ABHD2: variants seen among roughly 807,000 people sequenced by gnomAD.
ABHD2 encodes abhydrolase domain containing 2, acylglycerol lipase.
ABHD2 carries 20 observed loss-of-function variants against 48.1 expected under a neutral mutation model. The ratio of observed to expected loss-of-function variants is 0.42; its 90% CI spans 0.29 to 0.60. The LOEUF (loss-of-function observed/expected upper bound fraction) is 0.60. ABHD2 is among the 20% of genes least tolerant of loss of function. The pLI, the probability that ABHD2 is intolerant of heterozygous loss-of-function variation, is 0.24. For missense variants in ABHD2, 405 were observed against 550.9 expected (o/e 0.74, Z 2.65); for synonymous variants, 209 against 214.2 (o/e 0.98, Z 0.21).
the ABHD2 span, among the ~76,000 whole-genome samples, chr15:89,066,254 G>C: frequency 2.0e-5 from 3 of 152,272 alleles, no homozygotes; most frequent in South Asian, 6.2e-4. Flanking sequence ...GGTTCCTTCT[G>C]AGGGGTATGA....
Position 89,116,602 on chromosome 15 carries a change from C to T in ABHD2, c.194+81C>T, listed in dbSNP as rs1417662663. On this transcript the variant is annotated intron_variant, in intron 3 of 10. Transcript: ENST00000352732. The surrounding 1 kb of genome is among the most constrained non-coding windows in gnomAD (Gnocchi z 4.6). ...TGATGTTCAAAGAAGAAACTTCTCT[C>T]ATCGTGTCCTTAAGGCATCAATGGG... 1.5e-5 allele frequency: 22 copies of T among 1,453,786 alleles called. No individual in the cohort carries two copies. The highest frequency in any genetic ancestry group is 4.7e-6 in the Non-Finnish European group (5 of 1,068,690). 90.1% of individuals were successfully genotyped at this position (1,453,786 alleles called of 1,614,324 possible). A position where few individuals can be genotyped will look rare whatever the true frequency, so the allele number is the denominator to read the frequency against.
chr15:89,048,730 C>A, the ABHD2 span, among the ~76,000 whole-genome samples: 1 of 152,016 alleles, frequency 6.6e-6, no homozygotes, highest in Non-Finnish European at 1.5e-5. Context: ...AGTTCTCGAG[C>A]CTTGGTTTTC....
Position 89,104,677 on chromosome 15 carries a change from T to G in ABHD2, c.-106-9048T>G, listed in dbSNP as rs898506076. 6.6e-6 allele frequency among the ~76,000 whole-genome samples: 1 copy of G among 152,236 alleles called. No homozygotes were observed. The highest frequency in any genetic ancestry group is 2.4e-5 in the African/African-American group (1 of 41,472). On this transcript the variant is annotated intron_variant, in intron 1 of 10. Coordinates refer to ENST00000352732, the MANE Select transcript of ABHD2 (RefSeq NM_152924.5). This position sits in a 1 kb window ranked among gnomAD's most constrained non-coding sequence, Gnocchi z 4.4. ...GGTGAAACTTTCTTCTTTGCCTGCC[T>G]TAGGGAGTTAGATGGGTTGAGTGGT...
intron 3 of ABHD2, among the ~76,000 whole-genome samples, chr15:89,132,026 T>C (rs944611151): frequency 1.3e-5 from 2 of 152,122 alleles, no homozygotes; most frequent in African/African-American, 4.8e-5. Context: ...TGTTGGACTT[T>C]TTAAACAGGA....
the ABHD2 span, among the ~76,000 whole-genome samples, chr15:89,045,329 C>A: frequency 1.1e-3 from 163 of 152,156 alleles, 7 homozygotes; most frequent in South Asian, 0.033. Flanking sequence ...AGTTTGAAGT[C>A]AGGTAGTGTG....
Position 89,197,997 on chromosome 15 carries a change from G to A in ABHD2, c.*2574G>A, listed in dbSNP as rs1408910304. 6.6e-6 allele frequency: 1 copy of A among 152,196 alleles called. No homozygotes were observed. The highest frequency in any genetic ancestry group is 1.5e-5 in the Non-Finnish European group (1 of 68,042). The allele number at this position is 152,196 out of a possible 1,614,324, so 9.4% of individuals were successfully genotyped here. On this transcript the variant is annotated 3_prime_UTR_variant, in exon 11 of 11. Coordinates refer to ENST00000352732, the MANE Select transcript of ABHD2 (RefSeq NM_152924.5). This position sits in a 1 kb window ranked among gnomAD's most constrained non-coding sequence, Gnocchi z 4.4. ...GTTTGTCCCTGAATGAGAGCACAGA[G>A]GCATTGAATTCACAGAGCTGCAAAC... is the stretch of plus-strand genomic sequence containing the variant.
intron 1 of ABHD2, among the ~76,000 whole-genome samples, chr15:89,111,294 G>A (rs983377143): frequency 5.3e-5 from 8 of 152,116 alleles, no homozygotes; most frequent in Non-Finnish European, 5.9e-5. Flanking sequence ...CTCTTATAAC[G>A]CAGTGATTTT....
At chr15:89,089,761 G>A (rs1901519246) in intron 1 of ABHD2, among the ~76,000 whole-genome samples, 1 of 152,220 alleles carries the variant, frequency 6.6e-6, no homozygotes, top group African/African-American at 2.4e-5. Context: ...CCGGAATAGA[G>A]AGAACATAAT....
the ABHD2 span, among the ~76,000 whole-genome samples, chr15:89,044,484 A>C: frequency 2.0e-5 from 3 of 151,950 alleles, no homozygotes; most frequent in South Asian, 4.2e-4. Flanking sequence ...GCCACACTGA[A>C]TTCCACAATG....
Position 89,188,145 on chromosome 15 carries a change from G to A in ABHD2, c.816-48G>A, listed in dbSNP as rs1306514331. On this transcript the variant is annotated intron_variant, in intron 7 of 10. Coordinates refer to ENST00000352732, the MANE Select transcript of ABHD2 (RefSeq NM_152924.5). This position sits in a 1 kb window ranked among gnomAD's most constrained non-coding sequence, Gnocchi z 4.1. ...CAAGGAAGCAGGCTATGCCATGGTT[G>A]TTCATCCTCCACATCTTAATCTCTG... 6.5e-7 allele frequency: 1 copy of A among 1,549,946 alleles called. No homozygotes were observed. The highest frequency in any genetic ancestry group is 1.4e-5 in the African/African-American group (1 of 73,652).
chr15:89,155,322 G>T lies in ABHD2; in HGVS notation c.371-45G>T. ...AAGTGTAATTATGTCCATTTATCATGTCACATTTCTTGGATACATCAGGAT... is the reference window on the plus strand; with the variant it reads ...AAGTGTAATTATGTCCATTTATCATTTCACATTTCTTGGATACATCAGGAT... On this transcript the variant is annotated intron_variant, in intron 4 of 10. Coordinates refer to ENST00000352732, the MANE Select transcript of ABHD2 (RefSeq NM_152924.5). This position sits in a 1 kb window ranked among gnomAD's most constrained non-coding sequence, Gnocchi z 4.9. 1 of 1,578,622 alleles carries T rather than the reference G, an allele frequency of 6.3e-7. No homozygotes were observed. The highest frequency in any genetic ancestry group is 1.1e-5 in the South Asian group (1 of 88,610).
chr15:89,153,652 T>C (rs945115656), intron 4 of ABHD2, among the ~76,000 whole-genome samples: 4 of 152,236 alleles, frequency 2.6e-5, no homozygotes, highest in Non-Finnish European at 4.4e-5. Context: ...TAAGATGTAC[T>C]TTAAGAAAAA....
intron 3 of ABHD2, among the ~76,000 whole-genome samples, chr15:89,141,304 A>G (rs1386693353): frequency 6.6e-6 from 1 of 152,106 alleles, no homozygotes; most frequent in Non-Finnish European, 1.5e-5. Context: ...TTTTAACTTG[A>G]GAACCAAGCT....
chr15:89,181,536 AGG>A (rs947893343), intron 6 of ABHD2, among the ~76,000 whole-genome samples: 2 of 152,126 alleles, frequency 1.3e-5, no homozygotes, highest in Admixed American at 1.3e-4. Flanking sequence ...TGGGGTGTTA[AGG>A]TCATGCTTGC....
Position 89,185,966 on chromosome 15 carries a change from G to GA in ABHD2, c.815+458dup, listed in dbSNP as rs1028225328. ...TGGGTGACAGAGCGAGACCCTGTCT[G>GA]AAAAAAAAGAAAAGAAACCTGTCCC... On this transcript the variant is annotated intron_variant, in intron 7 of 10. Coordinates refer to ENST00000352732, the MANE Select transcript of ABHD2 (RefSeq NM_152924.5). This position sits in a 1 kb window ranked among gnomAD's most constrained non-coding sequence, Gnocchi z 5.9. Among the ~76,000 whole-genome samples, 4 of 151,874 alleles carry GA rather than the reference G, an allele frequency of 2.6e-5. No homozygotes were observed. The highest frequency in any genetic ancestry group is 5.9e-5 in the Non-Finnish European group (4 of 67,942).
In ABHD2 at chr15:89,151,194, A is replaced by G. The variant is rs2050585157; in HGVS notation, c.195-483A>G. 6.6e-6 allele frequency among the ~76,000 whole-genome samples: 1 copy of G among 152,224 alleles called. No individual in the cohort carries two copies. On this transcript the variant is annotated intron_variant, in intron 3 of 10. Coordinates refer to ENST00000352732, the MANE Select transcript of ABHD2 (RefSeq NM_152924.5). The surrounding 1 kb of genome is among the most constrained non-coding windows in gnomAD (Gnocchi z 4.7). ...AGAATTTGCAGCCCTTCCCAGCACTAACTGAGAGTAGCAGGTTTGGCTAAT... is the reference window on the plus strand; with the variant it reads ...AGAATTTGCAGCCCTTCCCAGCACTGACTGAGAGTAGCAGGTTTGGCTAAT...
At chr15:89,132,375 C>T (rs916709051) in intron 3 of ABHD2, among the ~76,000 whole-genome samples, 6 of 152,110 alleles carry the variant, frequency 3.9e-5, no homozygotes, top group Non-Finnish European at 7.4e-5. Flanking sequence ...AGCTAATAAA[C>T]AGGATAGAAT....
intron 1 of ABHD2, 74 bp from the exon 2 acceptor site, chr15:89,113,651 A>G (rs1345783490): frequency 1.3e-5 from 2 of 152,134 alleles, no homozygotes; most frequent in African/African-American, 4.8e-5. Context: ...ATGCAGAGGA[A>G]CTTGACTGTG....
Position 89,186,149 on chromosome 15 carries a change from G to A in ABHD2, c.815+633G>A, listed in dbSNP as rs187397052. 5.3e-5 allele frequency among the ~76,000 whole-genome samples: 8 copies of A among 152,226 alleles called. No homozygotes were observed. In the East Asian group the frequency reaches 1.5e-3, roughly 29 times the overall value. ...CCCTGTAGGATGCTTCTGTGCCTGG[G>A]GGATCAGGACTCATTCTTGGCTGGC... is the stretch of plus-strand genomic sequence containing the variant. On this transcript the variant is annotated intron_variant, in intron 7 of 10. Transcript: ENST00000352732. The surrounding 1 kb of genome is among the most constrained non-coding windows in gnomAD (Gnocchi z 4.3).
Sources: gnomAD v4.1 joint callset for allele counts (sites outside exome capture counted in the v4.1 genomes callset) on GRCh38, gnomAD v4.1.1 for gene constraint, Gnocchi (gnomAD v3.1) non-coding constraint, MANE v1.5 for transcripts, NCBI Gene and HGNC (gene_info 2026-07-23, HGNC 2026-07-21) for gene names.